Variants in PRKCE observed in about 807,000 individuals in gnomAD.
PRKCE encodes protein kinase C epsilon.
Under a neutral mutation model 85.4 loss-of-function variants are expected in PRKCE, and 16 were observed. The ratio of observed to expected loss-of-function variants is 0.19; its 90% CI spans 0.13 to 0.28. The LOEUF (loss-of-function observed/expected upper bound fraction) is 0.28, where lower values mean the gene tolerates loss of function less well. PRKCE is among the 10% of genes least tolerant of loss of function. The pLI is 1.00. For missense variants in PRKCE, 573 were observed against 975.2 expected, an observed-to-expected ratio of 0.59 and a Z score of 5.49; for synonymous variants, 388 against 371.5, an observed-to-expected ratio of 1.04 and a Z score of -0.51.
At chr2:45,673,084 T>A (rs1430277040) in intron 1 of PRKCE, among the ~76,000 whole-genome samples, 1 of 152,138 alleles carries the variant, frequency 6.6e-6, no homozygotes, top group Non-Finnish European at 1.5e-5. Context: ...GATTTTTTTT[T>A]AAAGACTCCT....
At chr2:45,899,710 T>C (rs951031373) in intron 2 of PRKCE, among the ~76,000 whole-genome samples, 1 of 152,176 alleles carries the variant, frequency 6.6e-6, no homozygotes, top group Non-Finnish European at 1.5e-5. Flanking sequence ...GCCAACACCA[T>C]AGTTCCCGAA....
intron 1 of PRKCE, among the ~76,000 whole-genome samples, chr2:45,712,305 G>A (rs989585365): frequency 6.6e-5 from 10 of 151,682 alleles, no homozygotes; most frequent in South Asian, 4.2e-4. Context: ...GCACCACCAC[G>A]CCCAGCTACA....
At position 46,155,072 on chromosome 2, in the gene PRKCE, G is replaced by A. The variant is rs1222139687; in HGVS notation, c.1920+3843G>A. ...AAATGCCTGCAAGAGCCCAGCAGGAGCTGTGGAAGGTGAACAGGACTGGGT... is the reference window on the plus strand; with the variant it reads ...AAATGCCTGCAAGAGCCCAGCAGGAACTGTGGAAGGTGAACAGGACTGGGT... On this transcript the variant is annotated intron_variant, in intron 13 of 14. Transcript: ENST00000306156. This position sits in a 1 kb window ranked among gnomAD's most constrained non-coding sequence, Gnocchi z 4.7. Among the ~76,000 whole-genome samples, 1 of 152,178 alleles carries A rather than the reference G, an allele frequency of 6.6e-6. No individual in the cohort carries two copies. Among genetic ancestry groups the A allele is most frequent in the Non-Finnish European group, 1.5e-5 (1 of 68,044 alleles).
chr2:45,980,646 G>A (rs559039138), intron 5 of PRKCE, among the ~76,000 whole-genome samples: 1 of 152,280 alleles, frequency 6.6e-6, no homozygotes, highest in South Asian at 2.1e-4. Flanking sequence ...AGAAAAATAT[G>A]AATTCTTTTA....
chr2:45,873,103 T>C (rs960301331), intron 2 of PRKCE, among the ~76,000 whole-genome samples: 3 of 152,184 alleles, frequency 2.0e-5, no homozygotes, highest in Admixed American at 1.3e-4. Context: ...CTTTAGAGTG[T>C]TTTAAACTGG....
chr2:45,841,346 T>A (rs539140353), intron 1 of PRKCE, among the ~76,000 whole-genome samples: 10 of 152,332 alleles, frequency 6.6e-5, no homozygotes, highest in Admixed American at 5.9e-4. Context: ...CAGCCTTCAG[T>A]ATGTGGCTGA....
In PRKCE at chr2:45,943,563, C is replaced by A. The variant is rs188877053; in HGVS notation, c.413-32866C>A. Among the ~76,000 whole-genome samples, 792 of 152,376 alleles carry A rather than the reference C, an allele frequency of 5.2e-3. 5 individuals carry two copies. The highest frequency in any genetic ancestry group is 8.1e-3 in the Non-Finnish European group (553 of 68,036). The stretch of plus-strand genomic sequence containing the variant: ...AAGACTCAAAATGGTTGAGGTTACA[C>A]ATGCCAGAAACATGCCAGAATTCCT... On this transcript the variant is annotated intron_variant, in intron 2 of 14. Transcript: ENST00000306156.
intron 6 of PRKCE, among the ~76,000 whole-genome samples, chr2:45,994,488 C>A (rs1704063447): frequency 6.6e-6 from 1 of 152,192 alleles, no homozygotes. Context: ...AAACTTTTTA[C>A]CATTTTCATA....
At chr2:45,670,564 A>G (rs935764597) in intron 1 of PRKCE, among the ~76,000 whole-genome samples, 4 of 152,368 alleles carry the variant, frequency 2.6e-5, no homozygotes, top group African/African-American at 9.6e-5. Context: ...CCCAGTTTAA[A>G]AAAACATTGA....
intron 1 of PRKCE, among the ~76,000 whole-genome samples, chr2:45,664,127 G>A (rs75056559): frequency 0.022 from 3,302 of 152,314 alleles, 42 homozygotes; most frequent in Middle Eastern, 0.054. Context: ...CTCACATGCT[G>A]CATTTCCAAT....
intron 1 of PRKCE, among the ~76,000 whole-genome samples, chr2:45,761,937 C>T (rs938996952): frequency 6.6e-6 from 1 of 152,130 alleles, no homozygotes; most frequent in Non-Finnish European, 1.5e-5. Flanking sequence ...CCCTTCAGGA[C>T]CACCCAGCAA....
At chr2:45,653,792 C>G (rs1572861805) in intron 1 of PRKCE, among the ~76,000 whole-genome samples, 2 of 152,322 alleles carry the variant, frequency 1.3e-5, no homozygotes, top group Admixed American at 6.5e-5. Flanking sequence ...ATGCGTAGAA[C>G]TCTAGATTTG....
intron 2 of PRKCE, among the ~76,000 whole-genome samples, chr2:45,844,438 G>A (rs1369852957): frequency 6.6e-6 from 1 of 152,184 alleles, no homozygotes; most frequent in African/African-American, 2.4e-5. Context: ...TATTTCACAT[G>A]AAATATTTAA....
At chr2:45,684,006 C>T (rs933702803) in intron 1 of PRKCE, among the ~76,000 whole-genome samples, 2 of 152,222 alleles carry the variant, frequency 1.3e-5, no homozygotes, top group African/African-American at 4.8e-5. Flanking sequence ...TGCCACTGAA[C>T]ACCATAAACA....
At position 45,963,066 on chromosome 2, in the gene PRKCE, T is replaced by C. The variant is rs544499596; in HGVS notation, c.413-13363T>C. Among the ~76,000 whole-genome samples the C allele has an allele frequency of 3.8e-4, 58 of 152,252 alleles. No homozygotes were observed. In the South Asian group the frequency reaches 4.6e-3, roughly 12 times the overall value. On this transcript the variant is annotated intron_variant, in intron 2 of 14. Transcript: ENST00000306156. ...GAAAGACTTGGGGCTTGTTCACCTA[T>C]ATGAAGCTTCCTAAGGGACGTCTAT...
chr2:45,982,718 C>T (rs1019451872), intron 5 of PRKCE, among the ~76,000 whole-genome samples: 2 of 152,300 alleles, frequency 1.3e-5, no homozygotes, highest in Middle Eastern at 3.4e-3. Context: ...CAGTCTGATG[C>T]TGTGGCATGC....
At chr2:45,863,281 A>G (rs769742084) in intron 2 of PRKCE, among the ~76,000 whole-genome samples, 1 of 152,158 alleles carries the variant, frequency 6.6e-6, no homozygotes, top group Non-Finnish European at 1.5e-5. Flanking sequence ...TGTGTTGCCT[A>G]TATAATGTAG....
chr2:45,811,766 C>T (rs1315952357), intron 1 of PRKCE, among the ~76,000 whole-genome samples: 1 of 152,162 alleles, frequency 6.6e-6, no homozygotes, highest in African/African-American at 2.4e-5. Context: ...GATAGGGAGT[C>T]ATCCCACTGC....
chr2:45,842,497 A>G (rs60635365), intron 1 of PRKCE, among the ~76,000 whole-genome samples: 31,711 of 152,040 alleles, frequency 0.21, 3,719 homozygotes, highest in Non-Finnish European at 0.26. Context: ...TGGGTTTCTC[A>G]AGACAGGCTT....
Sources: allele counts gnomAD v4.1 joint callset (sites outside exome capture counted in the v4.1 genomes callset), GRCh38; gene constraint gnomAD v4.1.1; non-coding constraint Gnocchi (gnomAD v3.1); transcripts MANE v1.5; gene names NCBI Gene and HGNC (gene_info 2026-07-23, HGNC 2026-07-21).